The following ADAMTSL1 variants were observed in gnomAD, a reference collection of about 807,000 sequenced individuals.
The protein encoded by ADAMTSL1 is ADAMTS like 1.
Under a neutral mutation model 201.8 loss-of-function variants are expected in ADAMTSL1, and 126 were observed. The ratio of observed to expected loss-of-function variants is 0.62; its 90% CI spans 0.54 to 0.72. The LOEUF is 0.72. Ranked by LOEUF, ADAMTSL1 falls within the 30% of genes least tolerant of loss-of-function variation. ADAMTSL1 has a pLI of 0.00. For synonymous variants in ADAMTSL1, 1,121 were observed against 903.4 expected, an observed-to-expected ratio of 1.24 and a Z score of -4.32; for missense variants, 2,679 against 2,277.8, an observed-to-expected ratio of 1.18 and a Z score of -3.59.
intron 2 of ADAMTSL1, among the ~76,000 whole-genome samples, chr9:18,166,943 G>T (rs1161736454): frequency 6.6e-6 from 1 of 151,794 alleles, no homozygotes; most frequent in Non-Finnish European, 1.5e-5. Context: ...CTTTTGCATT[G>T]CGTTAGAAAA....
intron 2 of ADAMTSL1, among the ~76,000 whole-genome samples, chr9:18,182,641 T>A (rs1295199597): frequency 1.3e-5 from 2 of 152,260 alleles, no homozygotes; most frequent in East Asian, 1.9e-4. Context: ...ATAATAGTGA[T>A]GAACACAGCA....
chr9:17,972,075 T>A (rs1194926443), intron 1 of ADAMTSL1, among the ~76,000 whole-genome samples: 1 of 151,910 alleles, frequency 6.6e-6, no homozygotes, highest in East Asian at 1.9e-4. Flanking sequence ...CTAATTAACA[T>A]ATTCATCATC....
chr9:18,064,781 A>T (rs1164854941), intron 1 of ADAMTSL1, among the ~76,000 whole-genome samples: 1 of 151,706 alleles, frequency 6.6e-6, no homozygotes, highest in Non-Finnish European at 1.5e-5. Context: ...TATAATGAAA[A>T]TTTATATATA....
Position 17,911,534 on chromosome 9 carries a change from A to T in ADAMTSL1, c.87+4612A>T, listed in dbSNP as rs149564192. Among the ~76,000 whole-genome samples the T allele has an allele frequency of 4.3e-3, 293 of 68,540 alleles. 131 individuals are homozygous for T. Among genetic ancestry groups the T allele is most frequent in the Non-Finnish European group, 1.3e-3 (30 of 22,422 alleles). 45.0% of individuals were successfully genotyped at this position (68,540 alleles called of 152,430 possible). A position where few individuals can be genotyped will look rare whatever the true frequency, so the allele number is the denominator to read the frequency against. Reference sequence around the variant, plus strand: ...GTGATATATATGTGGTAGCTCATTCAGACAGAAAGATTTAATATTTCCATT... The same window carrying T: ...GTGATATATATGTGGTAGCTCATTCTGACAGAAAGATTTAATATTTCCATT... On this transcript the variant is annotated intron_variant, in intron 1 of 29. Coordinates refer to the ADAMTSL1 transcript ENST00000680146.
chr9:18,205,693 G>A (rs1266689194), intron 2 of ADAMTSL1, among the ~76,000 whole-genome samples: 1 of 152,054 alleles, frequency 6.6e-6, no homozygotes, highest in Non-Finnish European at 1.5e-5. Flanking sequence ...CCTGGAGCAA[G>A]AAGATACTAG....
At chr9:18,482,919 C>G (rs17207028) in intron 1 of ADAMTSL1, among the ~76,000 whole-genome samples, 12,061 of 152,154 alleles carry the variant, frequency 0.079, 659 homozygotes, top group Non-Finnish European at 0.12. Context: ...TATAATTTCC[C>G]TGATATACTA....
intron 24 of ADAMTSL1, among the ~76,000 whole-genome samples, chr9:18,888,305 G>C (rs958187078): frequency 1.3e-5 from 2 of 152,156 alleles, no homozygotes; most frequent in Non-Finnish European, 2.9e-5. Context: ...TAATGCTGCT[G>C]TTGCTCAGGA....
chr9:18,625,755 T>A (rs925501004), intron 5 of ADAMTSL1, among the ~76,000 whole-genome samples: 4 of 152,224 alleles, frequency 2.6e-5, no homozygotes, highest in African/African-American at 9.6e-5. Flanking sequence ...ATTTGATATT[T>A]CCAGCTTTGC....
intron 13 of ADAMTSL1, among the ~76,000 whole-genome samples, chr9:18,689,827 G>A (rs1481053653): frequency 6.6e-6 from 1 of 152,186 alleles, no homozygotes; most frequent in Non-Finnish European, 1.5e-5. Flanking sequence ...TTCAAAGGTA[G>A]GATTGGGTAG....
intron 1 of ADAMTSL1, among the ~76,000 whole-genome samples, chr9:17,920,001 G>A (rs1403195338): frequency 6.6e-6 from 1 of 152,060 alleles, no homozygotes; most frequent in African/African-American, 2.4e-5. Context: ...CTGACCTTTT[G>A]ATTATAGCCA....
At chr9:18,599,994 TACAA>T (rs1288660719) in intron 4 of ADAMTSL1, among the ~76,000 whole-genome samples, 3 of 28,280 alleles carry the variant, frequency 1.1e-4, no homozygotes, top group Non-Finnish European at 1.4e-4. Context: ...CTACTAAAAA[TACAA>T]AAAAAAAAAA....
chr9:18,887,409 A>C (rs1222447746), intron 23 of ADAMTSL1, among the ~76,000 whole-genome samples: 3 of 152,322 alleles, frequency 2.0e-5, no homozygotes, highest in East Asian at 3.9e-4. Context: ...TTACCAAATC[A>C]AGTTTGTTTC....
At chr9:18,067,639 G>T (rs148831182) in intron 1 of ADAMTSL1, among the ~76,000 whole-genome samples, 1 of 152,324 alleles carries the variant, frequency 6.6e-6, no homozygotes, top group East Asian at 1.9e-4. Flanking sequence ...TTCACAGTCA[G>T]GATGGAGGGG....
intron 2 of ADAMTSL1, among the ~76,000 whole-genome samples, chr9:18,506,288 G>T (rs1000873553): frequency 6.6e-6 from 1 of 152,148 alleles, no homozygotes. Flanking sequence ...GCTGCCACAC[G>T]GTGATAATGT....
chr9:18,636,818 T>G (rs150234316), intron 6 of ADAMTSL1, among the ~76,000 whole-genome samples: 1,537 of 152,284 alleles, frequency 0.01, 24 homozygotes, highest in African/African-American at 0.035. Context: ...CTGAAAGGCT[T>G]CACTTCAGTT....
At chr9:18,719,336 T>C (rs1248945541) in intron 14 of ADAMTSL1, among the ~76,000 whole-genome samples, 3 of 152,202 alleles carry the variant, frequency 2.0e-5, no homozygotes, top group African/African-American at 4.8e-5. Flanking sequence ...TGATTCTTTT[T>C]TTATTTTTAT....
intron 2 of ADAMTSL1, among the ~76,000 whole-genome samples, chr9:18,361,026 A>G (rs556843641): frequency 3.3e-5 from 5 of 152,330 alleles, no homozygotes; most frequent in African/African-American, 1.2e-4. Flanking sequence ...CATGAAATGA[A>G]GCTTGTTAAA....
intron 3 of ADAMTSL1, chr9:18,573,266 A>G (rs764342922): frequency 7.1e-5 from 11 of 154,816 alleles, no homozygotes; most frequent in Non-Finnish European, 5.9e-5. Flanking sequence ...ATATTTGGCC[A>G]GCATGAGTTC....
rs35271640 is a variant in ADAMTSL1, at chr9:18,839,023, C to CTT, written c.4249+9056_4249+9057dup. On this transcript the variant is annotated intron_variant, in intron 23 of 28. Coordinates refer to ENST00000380548, the MANE Select transcript of ADAMTSL1 (RefSeq NM_001040272.6). ...CCCCTCTTTTTAGCAGCACACTCTC[C>CTT]TTTTTTTTTTTAATTTTATTATTAT... Among the ~76,000 whole-genome samples the CTT allele has an allele frequency of 6.2e-4, 89 of 144,360 alleles. 1 individual carries two copies. Among genetic ancestry groups the CTT allele is most frequent in the South Asian group, 4.9e-3 (22 of 4,452 alleles). 94.7% of individuals were successfully genotyped at this position (144,360 alleles called of 152,430 possible).
Sources: allele counts gnomAD v4.1 joint callset (sites outside exome capture counted in the v4.1 genomes callset), GRCh38; gene constraint gnomAD v4.1.1; transcripts MANE v1.5; gene names NCBI Gene and HGNC (gene_info 2026-07-23, HGNC 2026-07-21).